The following NHS variants were observed in gnomAD, a reference collection of about 807,000 sequenced individuals.
NHS encodes actin remodeling regulator NHS.
In NHS, 5 loss-of-function variants were observed where a neutral mutation model predicts 72.5. That is an observed-to-expected ratio of 0.07 (90% CI 0.04 to 0.14). The LOEUF (loss-of-function observed/expected upper bound fraction) is 0.14. Among genes scored for constraint, NHS ranks in the 10% least tolerant of loss-of-function variants. NHS has a pLI of 1.00. For synonymous variants in NHS, 464 were observed against 547.7 expected (o/e 0.85, Z 2.13); for missense variants, 1,072 against 1,355.7 (o/e 0.79, Z 3.29).
At chrX:17,454,477 C>A in intron 1 of NHS, among the ~76,000 whole-genome samples, 1 of 112,143 alleles carries the variant, frequency 8.9e-6, no homozygotes, top group East Asian at 2.8e-4. Context: ...CACAAGCAAT[C>A]CATTCGCTCA....
chrX:17,488,515 T>A (rs989209130), intron 1 of NHS, among the ~76,000 whole-genome samples: 1 of 111,500 alleles, frequency 9.0e-6, no homozygotes, highest in African/African-American at 3.3e-5. Context: ...GAGCCAGCAT[T>A]TCTAACTTTT....
intron 3 of NHS, 197 bp from the exon 4 acceptor site, chrX:17,719,146 AT>A (rs2066389966): frequency 2.8e-6 from 1 of 362,212 alleles, no homozygotes; most frequent in African/African-American, 2.7e-5. Context: ...AAAGGAAGGA[AT>A]AATAAGGAGA....
intron 1 of NHS, among the ~76,000 whole-genome samples, chrX:17,591,358 T>C (rs2065602041): frequency 9.0e-6 from 1 of 111,338 alleles, no homozygotes; most frequent in Non-Finnish European, 1.9e-5. Flanking sequence ...GGCCAAAGGG[T>C]GTCAACGCAG....
At chrX:17,540,662 T>G (rs1295599237) in intron 1 of NHS, among the ~76,000 whole-genome samples, 5 of 112,345 alleles carry the variant, frequency 4.5e-5, no homozygotes, top group Non-Finnish European at 9.4e-5. Flanking sequence ...GTCAACCCTC[T>G]GAAGAACTTG....
At chrX:17,451,669 C>A (rs185085953) in intron 1 of NHS, among the ~76,000 whole-genome samples, 1 of 111,837 alleles carries the variant, frequency 8.9e-6, no homozygotes, top group Admixed American at 9.5e-5. Flanking sequence ...ATTCTCCCCC[C>A]AAATGGTCTA....
At chrX:17,623,414 G>C (rs1400819428) in intron 1 of NHS, among the ~76,000 whole-genome samples, 1 of 111,738 alleles carries the variant, frequency 8.9e-6, no homozygotes, top group East Asian at 2.8e-4. Flanking sequence ...TGGTGGAGTC[G>C]TGCTAGACAG....
chrX:17,411,738 G>A (rs185776402), intron 1 of NHS, among the ~76,000 whole-genome samples: 1 of 112,005 alleles, frequency 8.9e-6, no homozygotes, highest in East Asian at 2.8e-4. Flanking sequence ...TCCAGGTAGT[G>A]TAGAATAACC....
intron 1 of NHS, among the ~76,000 whole-genome samples, chrX:17,555,477 G>T (rs2065365802): frequency 9.0e-6 from 1 of 110,813 alleles, no homozygotes; most frequent in African/African-American, 3.3e-5. Flanking sequence ...TGGGGCCCAA[G>T]AATTGGCATT....
intron 1 of NHS, among the ~76,000 whole-genome samples, chrX:17,597,731 T>G (rs892519979): frequency 9.0e-6 from 1 of 110,680 alleles, no homozygotes; most frequent in Non-Finnish European, 1.9e-5. Flanking sequence ...GGAACTCAGC[T>G]TTGATTGAAG....
chrX:17,674,150 T>C lies in NHS; in HGVS notation c.566-13592T>C, dbSNP rs145149686. 8.2e-4 allele frequency among the ~76,000 whole-genome samples: 91 copies of C among 111,641 alleles called. 3 individuals are homozygous for C. The East Asian group carries it at 0.024, about 30-fold the overall frequency. ...GGGGCCTCCAGTACACTCGGAGGGATTGGGGTCAAGCTTTGCTGATGATCC... is the reference window on the plus strand; with the variant it reads ...GGGGCCTCCAGTACACTCGGAGGGACTGGGGTCAAGCTTTGCTGATGATCC... On this transcript the variant is annotated intron_variant, in intron 1 of 8. Transcript: ENST00000676302.
chrX:17,450,152 T>C (rs1303142146), intron 1 of NHS, among the ~76,000 whole-genome samples: 1 of 111,838 alleles, frequency 8.9e-6, no homozygotes, highest in East Asian at 2.8e-4. Context: ...AAGGACCATT[T>C]CATGCTGGGA....
At chrX:17,444,621 A>G (rs1184877436) in intron 1 of NHS, among the ~76,000 whole-genome samples, 5 of 111,400 alleles carry the variant, frequency 4.5e-5, no homozygotes, top group Non-Finnish European at 9.4e-5. Flanking sequence ...CTGTGCCTCA[A>G]GTTTCCCCCC....
chrX:17,404,193 C>T (rs1019443537), intron 1 of NHS, among the ~76,000 whole-genome samples: 1 of 111,844 alleles, frequency 8.9e-6, no homozygotes, highest in Non-Finnish European at 1.9e-5. Flanking sequence ...TCGTAATTCC[C>T]TCTGGGCTTA....
chrX:17,727,560 G>C lies in NHS; in HGVS notation c.3454G>C (p.Val1152Leu), dbSNP rs1162633183. Residue 1152 changes from valine (V) to leucine (L), a missense_variant, in exon 7 of 9, where the codon GTT becomes CTT. Physicochemically the swap from Val to Leu is conservative, Grantham distance 32 (BLOSUM62 1). Coordinates refer to ENST00000676302, the MANE Select transcript of NHS (RefSeq NM_001291867.2). The stretch of plus-strand genomic sequence containing the variant: ...TAGGTCCATCAACAAGTCTGAAGAA[G>C]TTAAGCAAAAAGAAGAAAACAATAC... ...NLRSINKSEE[V>L]KQKEENNTDL... is the part of the protein sequence containing the mutation. The C allele has an allele frequency of 8.3e-7, 1 of 1,210,170 alleles. No individual in the cohort carries two copies. The highest frequency in any genetic ancestry group is 1.1e-6 in the Non-Finnish European group (1 of 895,333).
intron 1 of NHS, among the ~76,000 whole-genome samples, chrX:17,578,608 A>G (rs1200952737): frequency 8.9e-6 from 1 of 112,309 alleles, no homozygotes; most frequent in Non-Finnish European, 1.9e-5. Context: ...TGTAAACAGT[A>G]TAGTTTCATG....
Position 17,459,865 on chromosome X carries a change from G to A in NHS, c.565+83543G>A, listed in dbSNP as rs183158406. ...CACCCCCTTCCAAAAGAGAAAACTT[G>A]CATAAGAGCAGTTGGCTCAATATAA... On this transcript the variant is annotated intron_variant, in intron 1 of 8. Coordinates refer to ENST00000676302, the MANE Select transcript of NHS (RefSeq NM_001291867.2). Among the ~76,000 whole-genome samples, 7 of 112,388 alleles carry A rather than the reference G, an allele frequency of 6.2e-5. No homozygotes were observed. In the East Asian group the frequency reaches 2.0e-3, roughly 31 times the overall value.
At chrX:17,538,395 G>A (rs2065241612) in intron 1 of NHS, among the ~76,000 whole-genome samples, 1 of 111,681 alleles carries the variant, frequency 9.0e-6, no homozygotes, top group African/African-American at 3.3e-5. Flanking sequence ...GGGACGAGAA[G>A]GAAGCTGACA....
rs371070840 is a variant in NHS, at chrX:17,526,166, A to G, written c.565+149844A>G. 1.3e-4 allele frequency among the ~76,000 whole-genome samples: 15 copies of G among 113,205 alleles called. No individual in the cohort carries two copies. In the East Asian group the frequency reaches 4.2e-3, roughly 31 times the overall value. Reference sequence around the variant, plus strand: ...ATGCTTTGAATGTTACACCTTTGCTAGAAAACAAACTACCCCAAAATTTAG... The same window carrying G: ...ATGCTTTGAATGTTACACCTTTGCTGGAAAACAAACTACCCCAAAATTTAG... On this transcript the variant is annotated intron_variant, in intron 1 of 8. Transcript: ENST00000676302.
At chrX:17,722,261 T>G (rs1431176719) in intron 5 of NHS, among the ~76,000 whole-genome samples, 3 of 112,006 alleles carry the variant, frequency 2.7e-5, no homozygotes, top group Non-Finnish European at 3.8e-5. Flanking sequence ...TTCTGAAAAA[T>G]TTATTGGCAG....
Sources: gnomAD v4.1 joint callset for allele counts (sites outside exome capture counted in the v4.1 genomes callset) on GRCh38, gnomAD v4.1.1 for gene constraint, MANE v1.5 for transcripts, NCBI Gene and HGNC (gene_info 2026-07-23, HGNC 2026-07-21) for gene names.